SPEN: variants seen among roughly 807,000 people sequenced by gnomAD.
SPEN encodes spen family transcriptional repressor.
In SPEN, 18 loss-of-function variants were observed where a neutral mutation model predicts 269.9. That is an observed-to-expected ratio of 0.07 (90% CI 0.05 to 0.10). The LOEUF (loss-of-function observed/expected upper bound fraction) is 0.10. SPEN is among the 10% of genes least tolerant of loss of function. The pLI is 1.00. For missense variants in SPEN, 3,822 were observed against 4,631.2 expected (o/e 0.83, Z 5.07); for synonymous variants, 1,726 against 1,765.7 (o/e 0.98, Z 0.56).
Position 15,873,077 on chromosome 1 carries a change from T to C in SPEN, c.345T>C (p.Ala115=). 1 of 1,614,130 alleles carries C rather than the reference T, an allele frequency of 6.2e-7. No individual in the cohort carries two copies. Among genetic ancestry groups the C allele is most frequent in the Non-Finnish European group, 8.5e-7 (1 of 1,180,026 alleles). ...SGFRGGGGGP[A]YGPPPSLHAR... is the part of the protein sequence containing the mutation. The stretch of plus-strand genomic sequence containing the variant: ...TCAGAGGAGGTGGTGGAGGGCCTGC[T>C]TATGGTCCCCCACCGTCACTTCATG... The change falls in exon 2 of 15, where the codon GCT becomes GCC. Residue 115 remains alanine, a synonymous_variant. Transcript: ENST00000375759.
chr1:15,916,164 A>G lies in SPEN; in HGVS notation c.1280A>G (p.Glu427Gly). The change falls in exon 6 of 15, where the codon GAA (glutamate) becomes GGA (glycine). Residue 427 changes from glutamate to glycine, a missense_variant. Glu to Gly is a moderately conservative substitution (Grantham distance 98, BLOSUM62 -2). Coordinates refer to ENST00000375759, the MANE Select transcript of SPEN (RefSeq NM_015001.3). ...ESENEFRPLD[E>G]RIDEFHPKAT... ...GAAAATGAATTTCGCCCCTTGGATG[A>G]AAGGATAGATGAATTTCACCCCAAA... 6.2e-7 allele frequency: 1 copy of G among 1,612,722 alleles called. No individual in the cohort carries two copies. Among genetic ancestry groups the G allele is most frequent in the Non-Finnish European group, 8.5e-7 (1 of 1,179,518 alleles).
chr1:15,909,416 T>C lies in SPEN; in HGVS notation c.977T>C (p.Leu326Pro), dbSNP rs375261418. ...PAPTSQLLSSLEKDEPRKSFG... is the reference protein window; with the variant it reads ...PAPTSQLLSSPEKDEPRKSFG... ...CCCACTTCCCAGTTGCTTTCATCTC[T>C]GGAAAAAGATGAGCCCCGTAAAAGT... The change falls in exon 4 of 15, where the codon CTG becomes CCG. Residue 326 changes from leucine (L) to proline (P), a missense_variant. Leu to Pro is a moderately conservative substitution (Grantham distance 98). Coordinates refer to ENST00000375759, the MANE Select transcript of SPEN (RefSeq NM_015001.3). 6.2e-7 allele frequency: 1 copy of C among 1,614,076 alleles called. No homozygotes were observed. Among genetic ancestry groups the C allele is most frequent in the Non-Finnish European group, 8.5e-7 (1 of 1,180,042 alleles).
intron 1 of SPEN, among the ~76,000 whole-genome samples, chr1:15,859,616 G>A (rs571259131): frequency 8.6e-5 from 13 of 151,910 alleles, no homozygotes; most frequent in African/African-American, 2.4e-4. Context: ...TGATCCGCCC[G>A]CCTCGGCCTC....
intron 3 of SPEN, among the ~76,000 whole-genome samples, chr1:15,904,429 G>A (rs575555545): frequency 2.4e-4 from 22 of 93,090 alleles, no homozygotes; most frequent in Non-Finnish European, 3.4e-4. Context: ...TCCAGCCTGG[G>A]CAATAAGAGC....
intron 3 of SPEN, among the ~76,000 whole-genome samples, chr1:15,901,948 T>C (rs1382988517): frequency 6.4e-4 from 64 of 99,980 alleles, no homozygotes; most frequent in African/African-American, 2.7e-3. Flanking sequence ...TTTTTTTTTT[T>C]GAGACAGTCT....
chr1:15,857,635 G>A (rs1360867092), intron 1 of SPEN, among the ~76,000 whole-genome samples: 2 of 152,016 alleles, frequency 1.3e-5, no homozygotes, highest in African/African-American at 2.4e-5. Context: ...GGTATTACAG[G>A]CGTGAGCCAC....
At chr1:15,883,275 C>T (rs2070704332) in intron 3 of SPEN, among the ~76,000 whole-genome samples, 1 of 152,134 alleles carries the variant, frequency 6.6e-6, no homozygotes, top group East Asian at 1.9e-4. Flanking sequence ...ATGTGAAACC[C>T]TTTGTGGTGT....
chr1:15,938,086 C>G (rs1042973469), intron 13 of SPEN, 80 bp downstream of exon 13: 14 of 1,284,994 alleles, frequency 1.1e-5, no homozygotes, highest in Non-Finnish European at 1.5e-5. Context: ...GCCCATCTCC[C>G]TGGCCTGTCA....
At chr1:15,890,388 C>CA (rs1443670509) in intron 3 of SPEN, among the ~76,000 whole-genome samples, 2 of 151,886 alleles carry the variant, frequency 1.3e-5, no homozygotes, top group East Asian at 3.9e-4. Flanking sequence ...CGCACCACCA[C>CA]ACCCAGCTAA....
At chr1:15,880,791 A>G (rs1368442043) in intron 3 of SPEN, among the ~76,000 whole-genome samples, 1 of 152,146 alleles carries the variant, frequency 6.6e-6, no homozygotes, top group Non-Finnish European at 1.5e-5. Context: ...TAAAAAGAAC[A>G]GTGAGATAAA....
rs1187756286 is a variant in SPEN at position 15,939,474 on chromosome 1, G to A, written c.*47G>A. The A allele has an allele frequency of 1.3e-6, 2 of 1,492,742 alleles. No homozygotes were observed. Among genetic ancestry groups the A allele is most frequent in the Non-Finnish European group, 1.8e-6 (2 of 1,115,712 alleles). 92.5% of individuals were successfully genotyped at this position (1,492,742 alleles called of 1,614,324 possible). On this transcript the variant is annotated 3_prime_UTR_variant, in exon 15 of 15. Transcript: ENST00000375759. This position sits in a 1 kb window ranked among gnomAD's most constrained non-coding sequence, Gnocchi z 4.1. ...CAGTGAATCTTCCCAGGGCTCTGCA[G>A]TAAAAACAAAGGACAACCCAGCCAA...
chr1:15,927,969 A>G, intron 10 of SPEN, 122 bp from the exon 11 acceptor site: 1 of 925,124 alleles, frequency 1.1e-6, no homozygotes, highest in South Asian at 1.8e-5. Flanking sequence ...TAATCATTTC[A>G]CAAATGATTA....
chr1:15,895,855 T>A (rs1055127447), intron 3 of SPEN, among the ~76,000 whole-genome samples: 35 of 151,990 alleles, frequency 2.3e-4, no homozygotes, highest in African/African-American at 5.5e-4. Flanking sequence ...AATTTTTTTT[T>A]ATATTTTTAT....
chr1:15,909,472 C>T lies in SPEN; in HGVS notation c.1033C>T (p.Arg345Cys), dbSNP rs2070991675. Residue 345 changes from arginine to cysteine, a missense_variant, in exon 4 of 15, where the codon CGC (arginine) becomes TGC (cysteine). Arg to Cys is a radical substitution (Grantham distance 180, BLOSUM62 -3). This residue lies in a region of SPEN where 230 missense variants were observed against 426.1 expected (regional missense o/e 0.54). Transcript: ENST00000375759. ...CATCAAGGTCCAGAATCTTCCAGTA[C>T]GCTCTACAGGTAAAATTTTGTGTGA... ...FGIKVQNLPV[R>C]STDTSLKDGL... 1.2e-6 allele frequency: 2 copies of T among 1,613,854 alleles called. No homozygotes were observed. The highest frequency in any genetic ancestry group is 1.7e-6 in the Non-Finnish European group (2 of 1,179,932).
intron 1 of SPEN, among the ~76,000 whole-genome samples, chr1:15,870,060 G>C (rs1421752326): frequency 1.3e-5 from 2 of 151,942 alleles, no homozygotes; most frequent in African/African-American, 2.4e-5. Context: ...GTAGAGACGG[G>C]GTTTCACCAT....
chr1:15,894,741 T>C (rs2070824172), intron 3 of SPEN, among the ~76,000 whole-genome samples: 2 of 151,926 alleles, frequency 1.3e-5, no homozygotes, highest in Non-Finnish European at 2.9e-5. Flanking sequence ...GGTTTCACCA[T>C]GTTGGCCAGG....
At chr1:15,895,742 A>G (rs532364733) in intron 3 of SPEN, among the ~76,000 whole-genome samples, 1 of 143,568 alleles carries the variant, frequency 7.0e-6, no homozygotes, top group African/African-American at 2.6e-5. Context: ...GTGCAGTGGC[A>G]TGATCTCGGC....
At chr1:15,894,525 A>G (rs964000831) in intron 3 of SPEN, among the ~76,000 whole-genome samples, 1 of 145,168 alleles carries the variant, frequency 6.9e-6, no homozygotes, top group African/African-American at 2.7e-5. Context: ...TAAAACTACC[A>G]TATTATGGTT....
chr1:15,903,582 C>T (rs1026939526), intron 3 of SPEN, among the ~76,000 whole-genome samples: 7 of 152,078 alleles, frequency 4.6e-5, no homozygotes, highest in East Asian at 1.9e-4. Flanking sequence ...TGTCCTGTTG[C>T]GCAGGCTGGT....
Sources: allele counts gnomAD v4.1 joint callset (sites outside exome capture counted in the v4.1 genomes callset), GRCh38; gene constraint gnomAD v4.1.1; regional missense constraint gnomAD v4.1.1; non-coding constraint Gnocchi (gnomAD v3.1); transcripts MANE v1.5; gene names NCBI Gene and HGNC (gene_info 2026-07-23, HGNC 2026-07-21).